XPR1: variants seen among roughly 807,000 people sequenced by gnomAD.
The protein encoded by XPR1 is xenotropic and polytropic retrovirus receptor 1, also known as solute carrier family 53 member 1.
A neutral mutation model predicts 87.5 loss-of-function variants in XPR1; 28 were observed. That is an observed-to-expected ratio of 0.32 (90% CI 0.24 to 0.44). The LOEUF (loss-of-function observed/expected upper bound fraction) is 0.44. XPR1 is among the 20% of genes least tolerant of loss of function. The probability of loss-of-function intolerance (pLI) is 1.00; values close to 1 mark genes in which losing one functional copy is unlikely to be tolerated. For synonymous variants in XPR1, 300 were observed against 306.1 expected, an observed-to-expected ratio of 0.98 and a Z score of 0.21; for missense variants, 559 against 862.3, an observed-to-expected ratio of 0.65 and a Z score of 4.41.
At chr1:180,784,157 T>G (rs1341026611) in intron 2 of XPR1, among the ~76,000 whole-genome samples, 1 of 152,044 alleles carries the variant, frequency 6.6e-6, no homozygotes, top group Non-Finnish European at 1.5e-5. Context: ...CACTGAAAAT[T>G]TTAATAGCTA....
At chr1:180,761,083 A>T (rs1269071912) in intron 2 of XPR1, among the ~76,000 whole-genome samples, 1 of 152,206 alleles carries the variant, frequency 6.6e-6, no homozygotes, top group Non-Finnish European at 1.5e-5. Context: ...CTGAAACTGG[A>T]TCCCTTCCTT....
chr1:180,687,197 A>T (rs1434230276), intron 2 of XPR1, among the ~76,000 whole-genome samples: 1 of 152,158 alleles, frequency 6.6e-6, no homozygotes, highest in East Asian at 1.9e-4. Flanking sequence ...TGTAACAAAG[A>T]TACTCTGAGA....
intron 1 of XPR1, among the ~76,000 whole-genome samples, chr1:180,654,249 A>G (rs753717090): frequency 1.3e-5 from 2 of 151,308 alleles, no homozygotes; most frequent in Admixed American, 6.6e-5. Flanking sequence ...CTGCCCCATC[A>G]CTCTACTAAA....
intron 2 of XPR1, among the ~76,000 whole-genome samples, chr1:180,776,556 A>G (rs1162688036): frequency 6.6e-6 from 1 of 152,096 alleles, no homozygotes; most frequent in Non-Finnish European, 1.5e-5. Context: ...TACATTGTTT[A>G]TAATTATTTA....
At chr1:180,636,824 G>A (rs1306208029) in intron 1 of XPR1, among the ~76,000 whole-genome samples, 1 of 152,162 alleles carries the variant, frequency 6.6e-6, no homozygotes, top group East Asian at 1.9e-4. Flanking sequence ...GGCCGAGGCA[G>A]GCGGATCACT....
intron 1 of XPR1, among the ~76,000 whole-genome samples, chr1:180,653,353 A>G (rs554288801): frequency 1.1e-4 from 16 of 152,326 alleles, no homozygotes; most frequent in African/African-American, 3.8e-4. Flanking sequence ...TGGTATAGAA[A>G]AGTCTTGGAA....
chr1:180,843,462 T>G (rs1651581322), intron 11 of XPR1, among the ~76,000 whole-genome samples: 1 of 152,180 alleles, frequency 6.6e-6, no homozygotes, highest in Non-Finnish European at 1.5e-5. Flanking sequence ...GAATTTATCT[T>G]GGCAATATTT....
intron 11 of XPR1, among the ~76,000 whole-genome samples, chr1:180,848,649 T>C (rs548293733): frequency 1.3e-5 from 2 of 152,294 alleles, no homozygotes; most frequent in African/African-American, 4.8e-5. Context: ...CTCTTTGTTA[T>C]ACTGATTTCT....
At position 180,825,980 on chromosome 1, in the gene XPR1, G is replaced by C. The variant is rs893411122; in HGVS notation, c.1134+636G>C. Among the ~76,000 whole-genome samples the C allele has an allele frequency of 3.9e-5, 6 of 152,158 alleles. No individual in the cohort carries two copies. In the South Asian group the frequency reaches 6.2e-4, roughly 16 times the overall value. On this transcript the variant is annotated intron_variant, in intron 9 of 14. Transcript: ENST00000367590. ...CAGGAGAATCGCTAGAACCCCAGAG[G>C]TGGAAGTTGCAGTGAGCCGCGATTG... is the stretch of plus-strand genomic sequence containing the variant.
chr1:180,695,457 C>T (rs906562247), intron 2 of XPR1, among the ~76,000 whole-genome samples: 16 of 145,254 alleles, frequency 1.1e-4, no homozygotes, highest in African/African-American at 3.2e-4. Context: ...CGCGCACGCG[C>T]GCGCTTTTGT....
intron 1 of XPR1, among the ~76,000 whole-genome samples, chr1:180,680,913 G>A (rs1441111460): frequency 6.6e-6 from 1 of 152,178 alleles, no homozygotes; most frequent in Non-Finnish European, 1.5e-5. Flanking sequence ...GTGACAACAT[G>A]AATGGAACTA....
rs1653069658 is a variant in XPR1, at chr1:180,888,022, A to G, written c.*3956A>G. On this transcript the variant is annotated 3_prime_UTR_variant, in exon 15 of 15. Transcript: ENST00000367590. ...GGAGATAGCAGAGAAGAGCAAGAAG[A>G]TGTTGGACGTTGGCAGTAAGCCGCA... is the stretch of plus-strand genomic sequence containing the variant. 1 of 152,236 alleles carries G rather than the reference A, an allele frequency of 6.6e-6. No homozygotes were observed. The highest frequency in any genetic ancestry group is 2.1e-4 in the South Asian group (1 of 4,824). 9.4% of individuals were successfully genotyped at this position (152,236 alleles called of 1,614,324 possible). A position where few individuals can be genotyped will look rare whatever the true frequency, so the allele number is the denominator to read the frequency against.
At chr1:180,686,104 G>T (rs61809317) in intron 2 of XPR1, among the ~76,000 whole-genome samples, 4 of 152,002 alleles carry the variant, frequency 2.6e-5, no homozygotes, top group Non-Finnish European at 5.9e-5. Context: ...GATCTTTCCT[G>T]CTTTCTCTTG....
At chr1:180,723,351 T>C (rs563164302) in intron 2 of XPR1, among the ~76,000 whole-genome samples, 1 of 152,356 alleles carries the variant, frequency 6.6e-6, no homozygotes, top group South Asian at 2.1e-4. Context: ...ATATTAATTA[T>C]GTAGGTAACG....
At chr1:180,642,516 T>TC (rs1654992027) in intron 1 of XPR1, among the ~76,000 whole-genome samples, 1 of 152,154 alleles carries the variant, frequency 6.6e-6, no homozygotes. Context: ...ATTTAATCCT[T>TC]ACCTTCTAAG....
At chr1:180,648,891 T>G (rs1655204505) in intron 1 of XPR1, among the ~76,000 whole-genome samples, 1 of 152,240 alleles carries the variant, frequency 6.6e-6, no homozygotes, top group African/African-American at 2.4e-5. Context: ...TCCTTTCATC[T>G]CTGATAATTT....
Position 180,632,095 on chromosome 1 carries a change from G to A in XPR1, c.-107G>A. 6 of 1,370,054 alleles carry A rather than the reference G, an allele frequency of 4.4e-6. No homozygotes were observed. The highest frequency in any genetic ancestry group is 2.2e-4 in the Middle Eastern group (1 of 4,468). 84.9% of individuals were successfully genotyped at this position (1,370,054 alleles called of 1,614,324 possible). A position where few individuals can be genotyped will look rare whatever the true frequency, so the allele number is the denominator to read the frequency against. On this transcript the variant is annotated 5_prime_UTR_variant, in exon 1 of 15. Transcript: ENST00000367590. ...GGCGGCGGCGGAGGAGGAGAGAAGC[G>A]CAGCGCCGCGCCGCGCCGGGGCCCA...
intron 1 of XPR1, among the ~76,000 whole-genome samples, chr1:180,658,192 A>G (rs551504872): frequency 2.0e-5 from 3 of 152,164 alleles, no homozygotes; most frequent in Non-Finnish European, 4.4e-5. Context: ...TTTCGGTGGA[A>G]TGTTTAGGTT....
At chr1:180,799,071 TAAACCCC>T (rs1311395208) in intron 3 of XPR1, among the ~76,000 whole-genome samples, 1 of 152,176 alleles carries the variant, frequency 6.6e-6, no homozygotes, top group Admixed American at 6.5e-5. Flanking sequence ...TTTTAGCCAG[TAAACCCC>T]TTCTTTGCCA....
Sources: gnomAD v4.1 joint callset for allele counts (sites outside exome capture counted in the v4.1 genomes callset) on GRCh38, gnomAD v4.1.1 for gene constraint, MANE v1.5 for transcripts, NCBI Gene and HGNC (gene_info 2026-07-23, HGNC 2026-07-21) for gene names.